The following DPP10 variants were observed in gnomAD, a reference collection of about 807,000 sequenced individuals.
DPP10 encodes the protein dipeptidyl peptidase like 10.
Under a neutral mutation model 120.9 loss-of-function variants are expected in DPP10, and 33 were observed. That is an observed-to-expected ratio of 0.27 (90% confidence interval 0.21 to 0.37). DPP10 has a LOEUF of 0.37. DPP10 is among the 10% of genes least tolerant of loss of function. DPP10 has a pLI of 1.00. For missense variants in DPP10, 816 were observed against 942.8 expected (o/e 0.87, Z 1.76); for synonymous variants, 337 against 326.1 (o/e 1.03, Z -0.36).
At chr2:115,637,060 G>A (rs1053850836) in intron 5 of DPP10, among the ~76,000 whole-genome samples, 4 of 151,934 alleles carry the variant, frequency 2.6e-5, no homozygotes, top group African/African-American at 9.7e-5. Flanking sequence ...ATATATGTTT[G>A]AACAGATAAT....
intron 5 of DPP10, among the ~76,000 whole-genome samples, chr2:115,613,599 T>C (rs930716267): frequency 4.6e-5 from 7 of 152,332 alleles, no homozygotes; most frequent in Non-Finnish European, 5.9e-5. Flanking sequence ...CTCTTTCTTT[T>C]TCATTTCAAT....
intron 1 of DPP10, among the ~76,000 whole-genome samples, chr2:114,812,076 G>C (rs1398269336): frequency 6.6e-6 from 1 of 152,110 alleles, no homozygotes; most frequent in East Asian, 1.9e-4. Context: ...GAAAGCCTCT[G>C]TCAGGGAGAA....
rs1407730735 is a variant in DPP10, at chr2:114,455,725, A to ATT, written c.60+12889_60+12890dup. 7.4e-5 allele frequency among the ~76,000 whole-genome samples: 5 copies of ATT among 67,646 alleles called. No individual in the cohort carries two copies. In the East Asian group the frequency reaches 1.2e-3, roughly 16 times the overall value. 44.4% of individuals were successfully genotyped at this position (67,646 alleles called of 152,430 possible). A position where few individuals can be genotyped will look rare whatever the true frequency, so the allele number is the denominator to read the frequency against. ...CAGAAAGTCTCATACCCACAAATTC[A>ATT]TTTGTTTTTTTTTTTTTTTACCATT... On this transcript the variant is annotated intron_variant, in intron 1 of 25. Transcript: ENST00000410059.
chr2:114,936,719 G>C (rs1421130699), intron 1 of DPP10, among the ~76,000 whole-genome samples: 1 of 151,980 alleles, frequency 6.6e-6, no homozygotes, highest in African/African-American at 2.4e-5. Flanking sequence ...CAGTGTAGAG[G>C]TATTAACTTT....
chr2:114,652,293 AG>A, intron 1 of DPP10, among the ~76,000 whole-genome samples: 1 of 152,364 alleles, frequency 6.6e-6, no homozygotes, highest in East Asian at 1.9e-4. Context: ...TACCTAATTA[AG>A]GAGGCAGGCA....
At chr2:114,733,974 A>G (rs1558683832) in intron 1 of DPP10, among the ~76,000 whole-genome samples, 1 of 152,264 alleles carries the variant, frequency 6.6e-6, no homozygotes, top group East Asian at 1.9e-4. Flanking sequence ...CCAAATTTCT[A>G]TCTAAGGGGT....
intron 7 of DPP10, among the ~76,000 whole-genome samples, chr2:115,721,161 A>G (rs1185069615): frequency 6.6e-6 from 1 of 152,022 alleles, no homozygotes; most frequent in Non-Finnish European, 1.5e-5. Flanking sequence ...AGGAATCATG[A>G]CTCCATTTTG....
chr2:114,720,254 C>T (rs769272134), intron 1 of DPP10, among the ~76,000 whole-genome samples: 12 of 152,098 alleles, frequency 7.9e-5, no homozygotes, highest in South Asian at 2.1e-4. Context: ...GGCTTTCTGA[C>T]GACTTTCTAT....
intron 4 of DPP10, among the ~76,000 whole-genome samples, chr2:115,516,314 T>G (rs1162894521): frequency 1.3e-5 from 2 of 152,134 alleles, no homozygotes; most frequent in African/African-American, 4.8e-5. Flanking sequence ...TAGGCCTTCT[T>G]TCTTTCCCCA....
intron 1 of DPP10, among the ~76,000 whole-genome samples, chr2:114,477,910 CAT>C (rs758101577): frequency 1.2e-4 from 16 of 135,118 alleles, no homozygotes; most frequent in African/African-American, 2.6e-4. Context: ...TATATATGTA[CAT>C]ATATGTGTAT....
chr2:114,685,362 C>A (rs1267523275), intron 1 of DPP10, among the ~76,000 whole-genome samples: 2 of 152,068 alleles, frequency 1.3e-5, no homozygotes, highest in South Asian at 4.1e-4. Context: ...ACTGCCTGAT[C>A]CCTGCTACTC....
chr2:114,568,846 T>A (rs1458848014), intron 1 of DPP10, among the ~76,000 whole-genome samples: 1 of 152,208 alleles, frequency 6.6e-6, no homozygotes, highest in Non-Finnish European at 1.5e-5. Context: ...TGTCTCTGTA[T>A]CACCAAATCT....
intron 1 of DPP10, among the ~76,000 whole-genome samples, chr2:114,507,212 GTAATT>G (rs1217245776): frequency 2.0e-5 from 3 of 151,610 alleles, no homozygotes; most frequent in Non-Finnish European, 4.4e-5. Flanking sequence ...AACACCCCAG[GTAATT>G]TTTGTAGTTT....
chr2:115,790,127 C>T (rs905413209), intron 17 of DPP10, among the ~76,000 whole-genome samples: 10 of 147,948 alleles, frequency 6.8e-5, no homozygotes, highest in Middle Eastern at 3.5e-3. Flanking sequence ...GGCCGGACTG[C>T]GGACTGCAGT....
chr2:114,890,899 T>C (rs1466439023), intron 1 of DPP10, among the ~76,000 whole-genome samples: 1 of 145,796 alleles, frequency 6.9e-6, no homozygotes, highest in Non-Finnish European at 1.5e-5. Flanking sequence ...TTCTGGAAAA[T>C]TTGAGAATTG....
At chr2:114,894,775 C>T (rs899142876) in intron 1 of DPP10, among the ~76,000 whole-genome samples, 4 of 152,084 alleles carry the variant, frequency 2.6e-5, no homozygotes, top group African/African-American at 7.2e-5. Context: ...AAAATAACTA[C>T]ATTATTATAT....
intron 1 of DPP10, among the ~76,000 whole-genome samples, chr2:114,898,763 T>G (rs1693282635): frequency 1.3e-5 from 2 of 152,228 alleles, no homozygotes; most frequent in South Asian, 4.1e-4. Context: ...AAAGATATCG[T>G]GTTGCTTTTA....
At chr2:114,949,969 C>G (rs1313094382) in intron 1 of DPP10, among the ~76,000 whole-genome samples, 1 of 152,096 alleles carries the variant, frequency 6.6e-6, no homozygotes, top group Non-Finnish European at 1.5e-5. Flanking sequence ...GAGTAGAAAG[C>G]CACCAACCTA....
chr2:115,407,254 C>T (rs1265463773), intron 3 of DPP10, among the ~76,000 whole-genome samples: 5 of 152,212 alleles, frequency 3.3e-5, no homozygotes, highest in South Asian at 2.1e-4. Context: ...CCTGGTTTCT[C>T]AGCCTTCAGG....
Sources: gnomAD v4.1 joint callset for allele counts (sites outside exome capture counted in the v4.1 genomes callset) on GRCh38, gnomAD v4.1.1 for gene constraint, MANE v1.5 for transcripts, NCBI Gene and HGNC (gene_info 2026-07-23, HGNC 2026-07-21) for gene names.